The following FHOD3 variants were observed in gnomAD, a reference collection of about 807,000 sequenced individuals.
The protein encoded by FHOD3 is formin homology 2 domain containing 3.
Under a neutral mutation model 173.0 loss-of-function variants are expected in FHOD3, and 90 were observed. That is an observed-to-expected ratio of 0.52 (90% CI 0.44 to 0.62). The LOEUF is 0.62. Among genes scored for constraint, FHOD3 ranks in the 20% least tolerant of loss-of-function variants. The pLI is 0.00. For synonymous variants in FHOD3, 828 were observed against 823.0 expected (o/e 1.01, Z -0.10); for missense variants, 1,945 against 2,034.7 (o/e 0.96, Z 0.85).
At chr18:36,597,068 C>T (rs1269509781) in intron 7 of FHOD3, among the ~76,000 whole-genome samples, 4 of 152,180 alleles carry the variant, frequency 2.6e-5, no homozygotes, top group Non-Finnish European at 5.9e-5. Flanking sequence ...CTGTCCTAAG[C>T]TTCAGGTAAC....
chr18:36,601,502 T>C (rs573938734), intron 7 of FHOD3, among the ~76,000 whole-genome samples: 1 of 152,270 alleles, frequency 6.6e-6, no homozygotes, highest in African/African-American at 2.4e-5. Flanking sequence ...GCAGACATTT[T>C]ACTGAGCATG....
intron 9 of FHOD3, among the ~76,000 whole-genome samples, chr18:36,622,269 T>C (rs1192209103): frequency 6.6e-6 from 1 of 152,186 alleles, no homozygotes; most frequent in Non-Finnish European, 1.5e-5. Context: ...TACCACATCG[T>C]CCCTCTAGTT....
At chr18:36,594,560 G>T (rs1156921708) in intron 6 of FHOD3, among the ~76,000 whole-genome samples, 4 of 152,102 alleles carry the variant, frequency 2.6e-5, no homozygotes, top group Non-Finnish European at 4.4e-5. Context: ...GTGACTGCAG[G>T]CAGGGAACTT....
intron 2 of FHOD3, among the ~76,000 whole-genome samples, chr18:36,367,462 G>A (rs2046954932): frequency 1.3e-5 from 2 of 152,120 alleles, no homozygotes; most frequent in South Asian, 2.1e-4. Context: ...GCTGAGCCGC[G>A]TTGCCTTCTG....
In FHOD3 at chr18:36,694,047, C is replaced by A. The variant is rs10502664; in HGVS notation, c.2236+624C>A. ...AGAGGCGCGATGATATTGTACACTG[C>A]AGCCTTGAGCATCAGCTGTTTTCCT... On this transcript the variant is annotated intron_variant, in intron 17 of 28. Coordinates refer to ENST00000590592, the MANE Select transcript of FHOD3 (RefSeq NM_001281740.3). 2.8e-3 allele frequency among the ~76,000 whole-genome samples: 419 copies of A among 152,292 alleles called. 16 individuals carry two copies. The East Asian group carries it at 0.075, about 27-fold the overall frequency.
At chr18:36,585,829 G>A (rs1200886820) in intron 6 of FHOD3, among the ~76,000 whole-genome samples, 2 of 152,218 alleles carry the variant, frequency 1.3e-5, no homozygotes, top group African/African-American at 4.8e-5. Flanking sequence ...GCTCTAATCT[G>A]GAAGAACATT....
intron 27 of FHOD3, among the ~76,000 whole-genome samples, chr18:36,762,657 G>A (rs1176301835): frequency 6.6e-6 from 1 of 152,010 alleles, no homozygotes; most frequent in Non-Finnish European, 1.5e-5. Context: ...TTAGCTGGGT[G>A]TGGTGTCACA....
At chr18:36,748,444 A>G (rs542327837) in intron 24 of FHOD3, among the ~76,000 whole-genome samples, 1 of 151,898 alleles carries the variant, frequency 6.6e-6, no homozygotes, top group South Asian at 2.1e-4. Context: ...TATTATTTGG[A>G]ACGTCATGAA....
chr18:36,530,795 C>T (rs553397670), intron 5 of FHOD3, among the ~76,000 whole-genome samples: 19 of 152,244 alleles, frequency 1.2e-4, no homozygotes, highest in Admixed American at 2.0e-4. Context: ...TTTTCCAGCC[C>T]GGGTTAGAAC....
chr18:36,578,591 C>A (rs1385634806), intron 6 of FHOD3, among the ~76,000 whole-genome samples: 1 of 152,200 alleles, frequency 6.6e-6, no homozygotes, highest in African/African-American at 2.4e-5. Flanking sequence ...CAGTGCTGTG[C>A]TCTGCTGGGG....
intron 1 of FHOD3, among the ~76,000 whole-genome samples, chr18:36,321,834 T>C (rs2044410032): frequency 6.6e-6 from 1 of 152,212 alleles, no homozygotes; most frequent in African/African-American, 2.4e-5. Flanking sequence ...CTTGCTTTTC[T>C]GTTTCCTGCA....
chr18:36,732,429 G>A (rs1475016702), intron 20 of FHOD3, among the ~76,000 whole-genome samples: 1 of 152,208 alleles, frequency 6.6e-6, no homozygotes, highest in Non-Finnish European at 1.5e-5. Context: ...TAAGGGAAAT[G>A]CACTTCTTTC....
rs1007637981 is a variant in FHOD3, at chr18:36,563,013, A to G, written c.512-13438A>G. On this transcript the variant is annotated intron_variant, in intron 5 of 28. Transcript: ENST00000590592. ...ATCATGTAATCGCAGGACACAGTTT[A>G]TGTGGCCTTTGCATGGGCTCAGCAA... Among the ~76,000 whole-genome samples the G allele has an allele frequency of 2.0e-4, 30 of 152,198 alleles. 1 individual carries two copies. Among genetic ancestry groups the G allele is most frequent in the African/African-American group, 7.2e-4 (30 of 41,456 alleles).
chr18:36,472,418 C>T (rs545163273), intron 3 of FHOD3, among the ~76,000 whole-genome samples: 1 of 152,292 alleles, frequency 6.6e-6, no homozygotes, highest in Non-Finnish European at 1.5e-5. Flanking sequence ...ATATAATTTA[C>T]ATACCATAAA....
chr18:36,415,007 G>A (rs2049558659), intron 3 of FHOD3, among the ~76,000 whole-genome samples: 1 of 152,182 alleles, frequency 6.6e-6, no homozygotes, highest in South Asian at 2.1e-4. Flanking sequence ...AGCAGGAGGG[G>A]GCAGTGAGTT....
chr18:36,479,964 T>G (rs2053790867), intron 3 of FHOD3, among the ~76,000 whole-genome samples: 1 of 152,180 alleles, frequency 6.6e-6, no homozygotes, highest in Non-Finnish European at 1.5e-5. Context: ...CATTTCTAAA[T>G]ACTGGCCACC....
intron 2 of FHOD3, among the ~76,000 whole-genome samples, chr18:36,371,621 A>C (rs1389585157): frequency 7.2e-5 from 11 of 152,244 alleles, no homozygotes; most frequent in Admixed American, 6.5e-4. Flanking sequence ...TGTTTAAACC[A>C]TACTTCTGTC....
At chr18:36,558,200 A>T (rs1248540762) in intron 5 of FHOD3, among the ~76,000 whole-genome samples, 3 of 152,010 alleles carry the variant, frequency 2.0e-5, no homozygotes, top group African/African-American at 7.3e-5. Flanking sequence ...GGAGAGTTCT[A>T]TCTACCTTGC....
intron 5 of FHOD3, among the ~76,000 whole-genome samples, chr18:36,534,068 A>G (rs1368486195): frequency 6.6e-6 from 1 of 152,200 alleles, no homozygotes; most frequent in Admixed American, 6.5e-5. Context: ...TCTGACCCAC[A>G]AAAGTCCTTC....
Sources: allele counts gnomAD v4.1 joint callset (sites outside exome capture counted in the v4.1 genomes callset), GRCh38; gene constraint gnomAD v4.1.1; transcripts MANE v1.5; gene names NCBI Gene and HGNC (gene_info 2026-07-23, HGNC 2026-07-21).